TCF3: variants seen among roughly 807,000 people sequenced by gnomAD.
The protein encoded by TCF3 is transcription factor E2-alpha.
In TCF3, 54 loss-of-function variants were observed where a neutral mutation model predicts 72.3. That is an observed-to-expected ratio of 0.75 (90% confidence interval 0.60 to 0.94). The LOEUF (loss-of-function observed/expected upper bound fraction) is 0.94, where lower values mean the gene tolerates loss of function less well. Among genes scored for constraint, TCF3 ranks in the 40% least tolerant of loss-of-function variants. The pLI is 0.00. For synonymous variants in TCF3, 525 were observed against 412.6 expected, an observed-to-expected ratio of 1.27 and a Z score of -3.30; for missense variants, 1,078 against 934.4, an observed-to-expected ratio of 1.15 and a Z score of -2.00.
At chr19:1,624,140 G>GT in intron 7 of TCF3, 140 bp from the exon 8 acceptor site, 1 of 745,442 alleles carries the variant, frequency 1.3e-6, no homozygotes, top group East Asian at 2.8e-5. Flanking sequence ...CCTCATGCCT[G>GT]TAATACCAGG....
chr19:1,624,110 C>T (rs1039399396), intron 7 of TCF3, 110 bp from the exon 8 acceptor site: 48 of 1,172,686 alleles, frequency 4.1e-5, no homozygotes, highest in East Asian at 2.1e-4. Context: ...TTAAAAACCT[C>T]GGGTCGGCTG....
intron 2 of TCF3, among the ~76,000 whole-genome samples, chr19:1,648,946 C>T (rs1027205884): frequency 1.1e-4 from 16 of 152,180 alleles, no homozygotes; most frequent in African/African-American, 3.9e-4. Flanking sequence ...ACCGAGGCCC[C>T]GGGCCTTTAC....
In TCF3 at chr19:1,622,428, G is replaced by A. The variant is rs766867376; in HGVS notation, c.550-13C>T. ...TGGGTGGGTACACCTGCGGGCGGGT[G>A]GGCGGTGGGGGGTGCAGTCAGGACG... On this transcript the variant is annotated splice_polypyrimidine_tract_variant and intron_variant, in intron 8 of 18. Transcript: ENST00000262965. The A allele has an allele frequency of 2.3e-6, 3 of 1,313,876 alleles. No individual in the cohort carries two copies. The highest frequency in any genetic ancestry group is 3.1e-6 in the Non-Finnish European group (3 of 978,794). 81.4% of individuals were successfully genotyped at this position (1,313,876 alleles called of 1,614,324 possible). A position where few individuals can be genotyped will look rare whatever the true frequency, so the allele number is the denominator to read the frequency against.
chr19:1,638,757 A>C (rs2064822722), intron 3 of TCF3, among the ~76,000 whole-genome samples: 1 of 152,244 alleles, frequency 6.6e-6, no homozygotes, highest in South Asian at 2.1e-4. Context: ...ACTAGAAAAG[A>C]ACCACTGGCA....
At chr19:1,629,374 C>T (rs1042076223) in intron 5 of TCF3, among the ~76,000 whole-genome samples, 5 of 152,190 alleles carry the variant, frequency 3.3e-5, no homozygotes, top group South Asian at 2.1e-4. Context: ...AGGGTTCATT[C>T]GCGAATGAGC....
At chr19:1,617,824 A>G (rs373262419) in intron 16 of TCF3, among the ~76,000 whole-genome samples, 2 of 152,144 alleles carry the variant, frequency 1.3e-5, no homozygotes, top group African/African-American at 4.8e-5. Context: ...CAGGGTGCTG[A>G]GCAGCATCCC....
intron 2 of TCF3, among the ~76,000 whole-genome samples, chr19:1,649,206 G>A (rs1490727323): frequency 1.3e-5 from 2 of 152,220 alleles, no homozygotes; most frequent in Non-Finnish European, 2.9e-5. Context: ...TCTGCTCGGT[G>A]GCCCATGAAT....
chr19:1,612,364 G>A lies in TCF3; in HGVS notation c.1823-515C>T, dbSNP rs369324550. The A allele has an allele frequency of 1.3e-4, 205 of 1,613,796 alleles. No homozygotes were observed. Among genetic ancestry groups the A allele is most frequent in the Middle Eastern group, 9.9e-4 (6 of 6,084 alleles). On this transcript the variant is annotated intron_variant, in intron 18 of 18. Coordinates refer to ENST00000262965, the MANE Select transcript of TCF3 (RefSeq NM_003200.5). Reference sequence around the variant, plus strand: ...CCCGCACGCGCACCCGCTCCCGCGCGTTATTGGCCATGCGCCTCTCCCGGT... The same window carrying A: ...CCCGCACGCGCACCCGCTCCCGCGCATTATTGGCCATGCGCCTCTCCCGGT...
Position 1,632,833 on chromosome 19 carries a change from C to T in TCF3, c.146-428G>A, listed in dbSNP as rs78368818. ...CTGACCCTGTGAGAAAGGCTCATGA[C>T]AGCATGAGGGTGTGGAAGCTAACCC... On this transcript the variant is annotated intron_variant, in intron 3 of 18. Coordinates refer to ENST00000262965, the MANE Select transcript of TCF3 (RefSeq NM_003200.5). Among the ~76,000 whole-genome samples the T allele has an allele frequency of 3.3e-3, 503 of 152,328 alleles. 2 individuals are homozygous for T. The highest frequency in any genetic ancestry group is 6.8e-3 in the Middle Eastern group (2 of 294).
intron 8 of TCF3, 145 bp downstream of exon 8, chr19:1,623,806 G>A (rs2062551686): frequency 2.5e-6 from 2 of 786,088 alleles, no homozygotes; most frequent in African/African-American, 1.8e-5. Context: ...CCTCGGGTCA[G>A]AGCTCAGATC....
intron 5 of TCF3, 22 bp from the exon 6 acceptor site, chr19:1,627,448 TA>T (rs779041772): frequency 6.2e-7 from 1 of 1,610,654 alleles, no homozygotes; most frequent in Non-Finnish European, 8.5e-7. Flanking sequence ...GAAGGAAGGT[TA>T]GTGGGAGGCG....
intron 3 of TCF3, among the ~76,000 whole-genome samples, chr19:1,643,821 A>G (rs192341913): frequency 4.6e-5 from 7 of 152,356 alleles, no homozygotes; most frequent in East Asian, 1.9e-4. Flanking sequence ...TCTCAAATCT[A>G]AAGTTTCCTT....
Position 1,609,415 on chromosome 19 carries a change from C to T in TCF3, c.*2292G>A. On this transcript the variant is annotated 3_prime_UTR_variant, in exon 19 of 19. Transcript: ENST00000262965. ...CCAGCCAGCTGTGTTGACACGTATA[C>T]AATTATTTTCTTTAAAAAAATTTTT... 1 of 209,780 alleles carries T rather than the reference C, an allele frequency of 4.8e-6. No individual in the cohort carries two copies. Among genetic ancestry groups the T allele is most frequent in the Non-Finnish European group, 9.7e-6 (1 of 103,374 alleles). 13.0% of individuals were successfully genotyped at this position (209,780 alleles called of 1,614,324 possible).
rs1245686056 is a variant in TCF3, at chr19:1,615,455, C to T, written c.1652G>A (p.Arg551Gln). ...EQKAEREKERRVANNARERLR... is the reference protein window; with the variant it reads ...EQKAEREKERQVANNARERLR... ...CCGCTCCCGGGCGTTATTGGCCACC[C>T]GGCGCTCCTTCTCCCGCTCGGCCTT... Residue 551 changes from arginine (R) to glutamine (Q), a missense_variant, in exon 18 of 19, where the codon CGG becomes CAG. Arg to Gln is a conservative substitution (Grantham distance 43). Coordinates refer to ENST00000262965, the MANE Select transcript of TCF3 (RefSeq NM_003200.5). The surrounding 1 kb of genome is among the most constrained non-coding windows in gnomAD (Gnocchi z 7.3). 6 of 1,612,920 alleles carry T rather than the reference C, an allele frequency of 3.7e-6. No individual in the cohort carries two copies. The highest frequency in any genetic ancestry group is 3.4e-6 in the Non-Finnish European group (4 of 1,180,010).
At chr19:1,651,137 G>C (rs1338291670) in intron 1 of TCF3, 5 of 231,954 alleles carry the variant, frequency 2.2e-5, no homozygotes, top group Non-Finnish European at 4.3e-5. Context: ...GGGGATGGGG[G>C]ATCCACCTGC....
At chr19:1,622,755 ACACCCCATCCC>A (rs1192030584) in intron 8 of TCF3, among the ~76,000 whole-genome samples, 1 of 152,066 alleles carries the variant, frequency 6.6e-6, no homozygotes, top group Non-Finnish European at 1.5e-5. Context: ...CCCAGCTCCA[ACACCCCATCCC>A]ATCCTTCTCC....
At chr19:1,646,524 C>A in intron 2 of TCF3, 97 bp from the exon 3 acceptor site, 3 of 1,140,416 alleles carry the variant, frequency 2.6e-6, no homozygotes, top group Non-Finnish European at 3.8e-6. Flanking sequence ...GCTGGGGACA[C>A]CCGGGAACCT....
intron 7 of TCF3, 135 bp downstream of exon 7, chr19:1,625,441 C>G (rs1219043126): frequency 1.7e-6 from 2 of 1,184,892 alleles, no homozygotes; most frequent in Admixed American, 4.1e-5. Context: ...ACGGCCCGAG[C>G]GCCCGACGTC....
intron 3 of TCF3, 149 bp from the exon 4 acceptor site, chr19:1,632,554 G>T: frequency 1.4e-6 from 1 of 721,406 alleles, no homozygotes; most frequent in Non-Finnish European, 2.3e-6. Flanking sequence ...CGACTCATGA[G>T]GACACCAGTC....
Sources: allele counts gnomAD v4.1 joint callset (sites outside exome capture counted in the v4.1 genomes callset), GRCh38; gene constraint gnomAD v4.1.1; non-coding constraint Gnocchi (gnomAD v3.1); transcripts MANE v1.5; gene names NCBI Gene and HGNC (gene_info 2026-07-23, HGNC 2026-07-21).